PLEKHM2: variants seen among roughly 807,000 people sequenced by gnomAD.
The protein encoded by PLEKHM2 is pleckstrin homology and RUN domain containing M2.
PLEKHM2 carries 77 observed loss-of-function variants against 116.3 expected under a neutral mutation model. The observed-to-expected ratio is 0.66, with a 90% CI of 0.55 to 0.80. The LOEUF is 0.80. Ranked by LOEUF, PLEKHM2 falls within the 30% of genes least tolerant of loss-of-function variation. The pLI is 0.00. For synonymous variants in PLEKHM2, 562 were observed against 571.0 expected, an observed-to-expected ratio of 0.98 and a Z score of 0.22; for missense variants, 1,183 against 1,354.9, an observed-to-expected ratio of 0.87 and a Z score of 1.99.
In PLEKHM2 at chr1:15,684,638, C is replaced by T. The variant is rs771874098; in HGVS notation, c.60+20C>T. On this transcript the variant is annotated intron_variant, in intron 1 of 19. Transcript: ENST00000375799. ...AAGAAGGTGAGCGCGGCCTCCCTCC[C>T]GGCCGGGGCCCCTTCCTCGCCGCGC... The T allele has an allele frequency of 1.6e-6, 2 of 1,250,912 alleles. No individual in the cohort carries two copies. The highest frequency in any genetic ancestry group is 2.0e-6 in the Non-Finnish European group (2 of 985,616). 77.5% of individuals were successfully genotyped at this position (1,250,912 alleles called of 1,614,324 possible).
intron 1 of PLEKHM2, among the ~76,000 whole-genome samples, chr1:15,712,483 G>A (rs1641354955): frequency 2.6e-5 from 4 of 152,138 alleles, no homozygotes; most frequent in Admixed American, 2.6e-4. Context: ...ACACAGGACT[G>A]CACAATGGTC....
chr1:15,697,464 C>G (rs1011896460), intron 1 of PLEKHM2, among the ~76,000 whole-genome samples: 11 of 152,210 alleles, frequency 7.2e-5, no homozygotes, highest in Admixed American at 2.0e-4. Context: ...TGCACACTCC[C>G]CTTCCGGGAA....
chr1:15,731,988 C>T lies in PLEKHM2; in HGVS notation c.2565C>T (p.Ala855=), dbSNP rs368018228. ...LSDRPCLELS[A]ESEAEMAEWM... ...ACCGGCCCTGCCTGGAGCTAAGTGCCGAGAGCGAGGCCGAGATGGCCGAGT... is the reference window on the plus strand; with the variant it reads ...ACCGGCCCTGCCTGGAGCTAAGTGCTGAGAGCGAGGCCGAGATGGCCGAGT... The change falls in exon 17 of 20, where the codon GCC becomes GCT. Residue 855 remains alanine (A), a synonymous_variant. Coordinates refer to ENST00000375799, the MANE Select transcript of PLEKHM2 (RefSeq NM_015164.4). The T allele has an allele frequency of 2.7e-5, 44 of 1,612,352 alleles. No individual in the cohort carries two copies. Among genetic ancestry groups the T allele is most frequent in the African/African-American group, 2.0e-4 (15 of 74,898 alleles).
intron 1 of PLEKHM2, among the ~76,000 whole-genome samples, chr1:15,703,541 T>C (rs527771666): frequency 6.6e-6 from 1 of 152,352 alleles, no homozygotes; most frequent in East Asian, 1.9e-4. Context: ...AACTGTCTTA[T>C]GTTCATTTGG....
rs926490908 is a variant in PLEKHM2 at position 15,717,957 on chromosome 1, G to A, written c.342G>A (p.Gln114=). The change falls in exon 4 of 20, where the codon CAG becomes CAA. Residue 114 remains glutamine (Q), a synonymous_variant. Transcript: ENST00000375799. ...NSLESYLRLF[Q]ENLGLLHKYY... The stretch of plus-strand genomic sequence containing the variant: ...TGGAGAGCTACCTGCGGTTGTTCCA[G>A]GAGAACCTGGGCCTGCTGCATAAGT... 1 of 1,598,674 alleles carries A rather than the reference G, an allele frequency of 6.3e-7. No individual in the cohort carries two copies.
Position 15,719,678 on chromosome 1 carries a change from A to C in PLEKHM2, c.466-56A>C. 1 of 1,254,156 alleles carries C rather than the reference A, an allele frequency of 8.0e-7. No homozygotes were observed. Among genetic ancestry groups the C allele is most frequent in the Non-Finnish European group, 1.2e-6 (1 of 865,902 alleles). The allele number at this position is 1,254,156 out of a possible 1,614,324, so 77.7% of individuals were successfully genotyped here. A position where few individuals can be genotyped will look rare whatever the true frequency, so the allele number is the denominator to read the frequency against. On this transcript the variant is annotated intron_variant, in intron 5 of 19. Coordinates refer to ENST00000375799, the MANE Select transcript of PLEKHM2 (RefSeq NM_015164.4). The surrounding 1 kb of genome is among the most constrained non-coding windows in gnomAD (Gnocchi z 4.1). ...CCCAGGCCTGGATCCTGCTGTCTGC[A>C]GAAGGCCGCTGCACGAGGCCTCCCA...
intron 1 of PLEKHM2, among the ~76,000 whole-genome samples, chr1:15,705,815 G>T (rs903798197): frequency 1.2e-4 from 18 of 152,116 alleles, no homozygotes; most frequent in Non-Finnish European, 2.6e-4. Flanking sequence ...GGCAAGGCCG[G>T]ATCTGGTGGC....
chr1:15,698,542 TTTC>T (rs1366471948), intron 1 of PLEKHM2, among the ~76,000 whole-genome samples: 1 of 115,688 alleles, frequency 8.6e-6, no homozygotes, highest in African/African-American at 4.6e-5. Context: ...TCTTTCTTTC[TTTC>T]TTTCTTTTTT....
intron 6 of PLEKHM2, chr1:15,720,430 G>C: frequency 1.0e-6 from 1 of 985,236 alleles, no homozygotes; most frequent in Non-Finnish European, 1.2e-6. Context: ...TTCTGCGCTC[G>C]CTGATGTGTT....
chr1:15,684,248 A>T (rs2148322952), upstream of PLEKHM2: 1 of 151,714 alleles, frequency 6.6e-6, no homozygotes, highest in East Asian at 2.0e-4. Context: ...GGGTCCCCGG[A>T]GTCCCCAGGC....
intron 1 of PLEKHM2, among the ~76,000 whole-genome samples, chr1:15,703,584 TAATTATTAGAGACC>T (rs1000373408): frequency 2.6e-5 from 4 of 152,208 alleles, no homozygotes; most frequent in African/African-American, 9.7e-5. Context: ...ACCTTTGAGT[TAATTATTAGAGACC>T]AATCTGGAAG....
chr1:15,695,715 T>C (rs1640981046), intron 1 of PLEKHM2, among the ~76,000 whole-genome samples: 1 of 152,128 alleles, frequency 6.6e-6, no homozygotes, highest in East Asian at 1.9e-4. Flanking sequence ...TTTCACCATG[T>C]TGGCCAGGCT....
rs12092485 is a variant in PLEKHM2, at chr1:15,721,543, T to C, written c.712+155T>C. On this transcript the variant is annotated intron_variant, in intron 7 of 19. Transcript: ENST00000375799. This position sits in a 1 kb window ranked among gnomAD's most constrained non-coding sequence, Gnocchi z 5.1. ...TGTTCTAATAGATGGAATTCTGCAG[T>C]GGGAAAACTCAACCTCTAGCCATAG... Among the ~76,000 whole-genome samples the C allele has an allele frequency of 0.36, 54,286 of 152,076 alleles. 12,408 individuals are homozygous for C. The highest frequency in any genetic ancestry group is 0.65 in the African/African-American group (26,794 of 41,452).
Position 15,688,226 on chromosome 1 carries a change from T to A in PLEKHM2, c.60+3608T>A, listed in dbSNP as rs78878285. Among the ~76,000 whole-genome samples the A allele has an allele frequency of 8.7e-3, 1,331 of 152,326 alleles. 13 individuals are homozygous for A. The highest frequency in any genetic ancestry group is 0.031 in the African/African-American group (1,269 of 41,570). ...TAGATTTTGTGATGGTGAATACCCA[T>A]TATAACACCAGACAGGTGAAACAGC... On this transcript the variant is annotated intron_variant, in intron 1 of 19. Coordinates refer to ENST00000375799, the MANE Select transcript of PLEKHM2 (RefSeq NM_015164.4).
In PLEKHM2 at chr1:15,718,004, G is replaced by T. The variant is rs761621510; in HGVS notation, c.377+12G>T. On this transcript the variant is annotated intron_variant, in intron 4 of 19. Transcript: ENST00000375799. ...AAGTACTACGTCAAGTGAGTGTCTG[G>T]GACGGTCTGTCTCCCCTAGCCTCAG... is the stretch of plus-strand genomic sequence containing the variant. 1.9e-6 allele frequency: 3 copies of T among 1,540,756 alleles called. No homozygotes were observed. In the Admixed American group the frequency reaches 5.5e-5, roughly 28 times the overall value.
chr1:15,727,999 C>T lies in PLEKHM2; in HGVS notation c.1761-80C>T. 1.5e-6 allele frequency: 2 copies of T among 1,292,714 alleles called. No individual in the cohort carries two copies. Among genetic ancestry groups the T allele is most frequent in the East Asian group, 2.5e-5 (1 of 40,378 alleles). The allele number at this position is 1,292,714 out of a possible 1,614,324, so 80.1% of individuals were successfully genotyped here. ...CTCCTAGTGGGAGGCGGAGGCACTA[C>T]CCCCTGGCTCTGGGGTGGGGTGTGG... On this transcript the variant is annotated intron_variant, in intron 9 of 19. Coordinates refer to ENST00000375799, the MANE Select transcript of PLEKHM2 (RefSeq NM_015164.4). The surrounding 1 kb of genome is among the most constrained non-coding windows in gnomAD (Gnocchi z 7.5).
intron 1 of PLEKHM2, among the ~76,000 whole-genome samples, chr1:15,704,298 GTCCC>G (rs886774594): frequency 1.3e-5 from 2 of 151,166 alleles, no homozygotes; most frequent in South Asian, 2.1e-4. Flanking sequence ...CACTCCCTCC[GTCCC>G]TCCCTCCCTC....
chr1:15,682,652 C>A (rs12088064), upstream of PLEKHM2, among the ~76,000 whole-genome samples: 47 of 71,782 alleles, frequency 6.5e-4, no homozygotes, highest in African/African-American at 5.0e-3. Flanking sequence ...ACAAAAAAAA[C>A]AAAAAACAAA....
chr1:15,733,340 A>G (rs1205475137), intron 19 of PLEKHM2, among the ~76,000 whole-genome samples: 1 of 152,274 alleles, frequency 6.6e-6, no homozygotes, highest in African/African-American at 2.4e-5. Flanking sequence ...AGCTGTGCTC[A>G]GATGGGGGGA....
Sources: allele counts gnomAD v4.1 joint callset (sites outside exome capture counted in the v4.1 genomes callset), GRCh38; gene constraint gnomAD v4.1.1; non-coding constraint Gnocchi (gnomAD v3.1); transcripts MANE v1.5; gene names NCBI Gene and HGNC (gene_info 2026-07-23, HGNC 2026-07-21).